The following DDX50 variants were observed in gnomAD, a reference collection of about 807,000 sequenced individuals.
DDX50 encodes the protein DExD-box helicase 50.
DDX50 carries 56 observed loss-of-function variants against 94.8 expected under a neutral mutation model. The ratio of observed to expected loss-of-function variants is 0.59; its 90% CI spans 0.48 to 0.74. The LOEUF (loss-of-function observed/expected upper bound fraction) is 0.74. DDX50 is among the 30% of genes least tolerant of loss of function. The probability of loss-of-function intolerance (pLI) is 0.00; values close to 1 mark genes in which losing one functional copy is unlikely to be tolerated. For synonymous variants in DDX50, 264 were observed against 295.4 expected (o/e 0.89, Z 1.09); for missense variants, 713 against 881.2 (o/e 0.81, Z 2.42).
In DDX50 at chr10:68,913,297, A is replaced by T; in HGVS notation, c.757+18A>T. 1.2e-6 allele frequency: 2 copies of T among 1,607,094 alleles called. No homozygotes were observed. The highest frequency in any genetic ancestry group is 1.7e-6 in the Non-Finnish European group (2 of 1,177,940). On this transcript the variant is annotated intron_variant, in intron 5 of 14. Coordinates refer to ENST00000373585, the MANE Select transcript of DDX50 (RefSeq NM_024045.2). ...AAGCCAAAGTGAGTAAATATGTTTG[A>T]TAGACGTGCAAAGGCATATTTGATA...
At chr10:68,907,317 C>CTTTTT (rs59316500) in intron 2 of DDX50, among the ~76,000 whole-genome samples, 1 of 130,502 alleles carries the variant, frequency 7.7e-6, no homozygotes, top group African/African-American at 2.9e-5. Context: ...TTTCTTTTTT[C>CTTTTT]TTTTTTTTTT....
In DDX50 at chr10:68,919,904, T is replaced by A; in HGVS notation, c.1162T>A (p.Ser388Thr). ...IGDVLQVYSG[S>T]EGRAIIFCET... Reference sequence around the variant, plus strand: ...AGATGTCCTTCAAGTCTACAGTGGGTCTGAAGGGAGGGCTATTATTTTCTG... The same window carrying A: ...AGATGTCCTTCAAGTCTACAGTGGGACTGAAGGGAGGGCTATTATTTTCTG... The change falls in exon 8 of 15, where the codon TCT becomes ACT. Residue 388 changes from serine to threonine, a missense_variant. Ser to Thr is a moderately conservative substitution (Grantham distance 58). Coordinates refer to ENST00000373585, the MANE Select transcript of DDX50 (RefSeq NM_024045.2). 3 of 1,614,100 alleles carry A rather than the reference T, an allele frequency of 1.9e-6. No homozygotes were observed. The East Asian group carries it at 6.7e-5, about 36-fold the overall frequency.
intron 1 of DDX50, chr10:68,906,441 A>G: frequency 3.2e-6 from 1 of 312,432 alleles, no homozygotes; most frequent in Non-Finnish European, 5.8e-6. Context: ...TTCCCTGAGG[A>G]GAAACCGTTT....
chr10:68,913,703 C>T, intron 6 of DDX50, 127 bp downstream of exon 6: 1 of 865,386 alleles, frequency 1.2e-6, no homozygotes, highest in South Asian at 2.1e-5. Context: ...AATTTGGTAT[C>T]TGTTCTGTCC....
Position 68,911,108 on chromosome 10 carries a change from CT to C in DDX50, c.504del (p.Phe168LeufsTer10). 4 of 1,596,062 alleles carry C rather than the reference CT, an allele frequency of 2.5e-6. No homozygotes were observed. Among genetic ancestry groups the C allele is most frequent in the Non-Finnish European group, 3.4e-6 (4 of 1,172,176 alleles). ...TYLFPIQVKT[F>X]GPVYEGKDLI... is the part of the protein sequence containing the mutation. ...ATCTCTTTCCTATTCAAGTTAAGACCTTTGGTCCTGTATATGAAGGAAAAGA... is the reference window on the plus strand; with the variant it reads ...ATCTCTTTCCTATTCAAGTTAAGACCTTGGTCCTGTATATGAAGGAAAAGA... On this transcript the variant is annotated frameshift_variant, in exon 4 of 15. Coordinates refer to ENST00000373585, the MANE Select transcript of DDX50 (RefSeq NM_024045.2). LOFTEE classifies it high-confidence loss of function.
At chr10:68,923,178 T>C (rs1377865445) in intron 8 of DDX50, among the ~76,000 whole-genome samples, 1 of 146,426 alleles carries the variant, frequency 6.8e-6, no homozygotes, top group African/African-American at 2.5e-5. Context: ...TTTAAAAACT[T>C]TTATATATTA....
chr10:68,940,177 C>A (rs1842522282), intron 12 of DDX50, among the ~76,000 whole-genome samples: 1 of 151,854 alleles, frequency 6.6e-6, no homozygotes, highest in Non-Finnish European at 1.5e-5. Context: ...TCACTTGAGT[C>A]CAGGGGTTCA....
intron 14 of DDX50, among the ~76,000 whole-genome samples, chr10:68,945,914 G>A (rs998229800): frequency 6.6e-6 from 1 of 151,914 alleles, no homozygotes; most frequent in Non-Finnish European, 1.5e-5. Context: ...TAGAAACTGA[G>A]TATAATGTAT....
rs554036785 is a variant in DDX50, at chr10:68,907,361, G to T, written c.384+354G>T. ...GTCAGAGTCTCTCTCTGTTTCTCAG[G>T]CTGGACTGGAATGGCACAATCTCAG... On this transcript the variant is annotated intron_variant, in intron 2 of 14. Transcript: ENST00000373585. Among the ~76,000 whole-genome samples the T allele has an allele frequency of 1.6e-4, 23 of 146,528 alleles. No homozygotes were observed. The South Asian group carries it at 4.7e-3, about 30-fold the overall frequency.
Position 68,911,165 on chromosome 10 carries a change from A to G in DDX50, c.558A>G (p.Gly186=). 1.2e-6 allele frequency: 2 copies of G among 1,613,014 alleles called. No homozygotes were observed. The highest frequency in any genetic ancestry group is 1.7e-6 in the Non-Finnish European group (2 of 1,179,546). ...DLIAQARTGT[G]KTFSFAIPLI... Reference sequence around the variant, plus strand: ...TAGCTCAAGCACGGACAGGAACAGGAAAGACATTCTCTTTTGCCATCCCCT... The same window carrying G: ...TAGCTCAAGCACGGACAGGAACAGGGAAGACATTCTCTTTTGCCATCCCCT... Residue 186 remains glycine (G), a synonymous_variant, in exon 4 of 15, where the codon GGA becomes GGG. Coordinates refer to ENST00000373585, the MANE Select transcript of DDX50 (RefSeq NM_024045.2).
Position 68,931,387 on chromosome 10 carries a change from A to AT in DDX50, c.1240-2812_1240-2811insT, listed in dbSNP as rs1375023246. ...GTGGGTGGGTGACGGATCATTAAAA[A>AT]AAAAAATATATATATATATATATGT... On this transcript the variant is annotated intron_variant, in intron 8 of 14. Transcript: ENST00000373585. Among the ~76,000 whole-genome samples, 4 of 49,932 alleles carry AT rather than the reference A, an allele frequency of 8.0e-5. 1 individual carries two copies. The highest frequency in any genetic ancestry group is 3.4e-4 in the African/African-American group (4 of 11,728). The allele number at this position is 49,932 out of a possible 152,430, so 32.8% of individuals were successfully genotyped here.
chr10:68,934,297 T>C lies in DDX50; in HGVS notation c.1338T>C (p.Asn446=), dbSNP rs1842349433. Residue 446 remains asparagine, a synonymous_variant, in exon 9 of 15, where the codon AAT becomes AAC. Coordinates refer to ENST00000373585, the MANE Select transcript of DDX50 (RefSeq NM_024045.2). This position sits in a 1 kb window ranked among gnomAD's most constrained non-coding sequence, Gnocchi z 4.0. ...EGSFKVLVAT[N]VAARGLDIPE... ...GTTTTAAAGTTTTGGTGGCAACCAA[T>C]GTGGCTGCCCGTGGTTTGGACATTC... is the stretch of plus-strand genomic sequence containing the variant. The C allele has an allele frequency of 6.2e-7, 1 of 1,613,804 alleles. No homozygotes were observed. Among genetic ancestry groups the C allele is most frequent in the African/African-American group, 1.3e-5 (1 of 75,050 alleles).
intron 8 of DDX50, among the ~76,000 whole-genome samples, chr10:68,932,347 C>T (rs933646319): frequency 6.6e-6 from 1 of 152,176 alleles, no homozygotes; most frequent in Non-Finnish European, 1.5e-5. Context: ...GCAACTTTTA[C>T]CTCCTGGGTT....
At chr10:68,913,362 A>G (rs1385737271) in intron 5 of DDX50, 29 bp from the exon 6 acceptor site, 4 of 1,604,796 alleles carry the variant, frequency 2.5e-6, no homozygotes, top group African/African-American at 1.3e-5. Context: ...TGAATTTTAC[A>G]TATTGGTGGC....
At chr10:68,902,477 C>T (rs951888310) in intron 1 of DDX50, among the ~76,000 whole-genome samples, 2 of 152,136 alleles carry the variant, frequency 1.3e-5, no homozygotes, top group Non-Finnish European at 2.9e-5. Flanking sequence ...ATACACATAA[C>T]GTTTATCATT....
chr10:68,921,119 A>T (rs771998028), intron 8 of DDX50, among the ~76,000 whole-genome samples: 23 of 152,034 alleles, frequency 1.5e-4, no homozygotes, highest in Non-Finnish European at 3.2e-4. Context: ...TTTTGATGCA[A>T]ACCCTGGATA....
chr10:68,906,599 CAAAGT>C, intron 1 of DDX50, 107 bp from the exon 2 acceptor site: 4 of 1,233,874 alleles, frequency 3.2e-6, no homozygotes, highest in Non-Finnish European at 4.6e-6. Context: ...GGCAGGTTTT[CAAAGT>C]AACTGTAGAT....
intron 12 of DDX50, 111 bp from the exon 13 acceptor site, chr10:68,940,949 C>T: frequency 8.5e-6 from 12 of 1,410,576 alleles, no homozygotes; most frequent in Non-Finnish European, 1.0e-5. Context: ...CAATGTTATA[C>T]TTTTGGCTCA....
intron 8 of DDX50, among the ~76,000 whole-genome samples, chr10:68,929,251 C>CCTTTCCTT (rs1554836297): frequency 6.8e-5 from 8 of 117,902 alleles, no homozygotes; most frequent in African/African-American, 2.6e-4. Context: ...CCAGCCTGGT[C>CCTTTCCTT]CCTTCCTTCC....
Sources: gnomAD v4.1 joint callset for allele counts (sites outside exome capture counted in the v4.1 genomes callset) on GRCh38, gnomAD v4.1.1 for gene constraint, Gnocchi (gnomAD v3.1) non-coding constraint, MANE v1.5 for transcripts, NCBI Gene and HGNC (gene_info 2026-07-23, HGNC 2026-07-21) for gene names.